The following NAV2 variants were observed in gnomAD, a reference collection of about 807,000 sequenced individuals.
NAV2 encodes helicase, APC down-regulated 1.
In NAV2, 54 loss-of-function variants were observed where a neutral mutation model predicts 223.2. That is an observed-to-expected ratio of 0.24 (90% CI 0.19 to 0.30). The LOEUF (loss-of-function observed/expected upper bound fraction) is 0.30. Among genes scored for constraint, NAV2 ranks in the 10% least tolerant of loss-of-function variants. The pLI, the probability that NAV2 is intolerant of heterozygous loss-of-function variation, is 1.00. For missense variants in NAV2, 2,806 were observed against 3,147.5 expected (o/e 0.89, Z 2.60); for synonymous variants, 1,279 against 1,239.3 (o/e 1.03, Z -0.67).
At chr11:20,034,649 T>C (rs914871079) in intron 11 of NAV2, among the ~76,000 whole-genome samples, 1 of 152,214 alleles carries the variant, frequency 6.6e-6, no homozygotes, top group Non-Finnish European at 1.5e-5. Flanking sequence ...CCCAAAGTGC[T>C]GGGATTACAG....
intron 1 of NAV2, among the ~76,000 whole-genome samples, chr11:19,589,613 G>A (rs1340221625): frequency 1.3e-5 from 2 of 152,186 alleles, no homozygotes; most frequent in Non-Finnish European, 2.9e-5. Flanking sequence ...AGGTGAGCCT[G>A]GATAGACAGC....
At chr11:20,031,734 TTGTG>T (rs5790104) in intron 11 of NAV2, among the ~76,000 whole-genome samples, 18,903 of 149,100 alleles carry the variant, frequency 0.13, 1,239 homozygotes, top group East Asian at 0.16. Flanking sequence ...CATTTTCGCT[TTGTG>T]TGTGTGTGTG....
At chr11:20,050,591 A>G (rs965905291) in intron 16 of NAV2, among the ~76,000 whole-genome samples, 1 of 151,002 alleles carries the variant, frequency 6.6e-6, no homozygotes, top group Admixed American at 6.6e-5. Flanking sequence ...AAAAAAAAAA[A>G]CCTTCACCCC....
chr11:19,616,891 AAGAT>A (rs2046812626), intron 1 of NAV2, among the ~76,000 whole-genome samples: 1 of 152,110 alleles, frequency 6.6e-6, no homozygotes, highest in African/African-American at 2.4e-5. Flanking sequence ...AGGCAGACCT[AAGAT>A]AGAATTCTGC....
At chr11:19,583,269 G>T (rs1381587117) in intron 1 of NAV2, among the ~76,000 whole-genome samples, 4 of 152,202 alleles carry the variant, frequency 2.6e-5, no homozygotes, top group African/African-American at 4.8e-5. Flanking sequence ...AGCTTAAGGA[G>T]ATTTTGGGCT....
intron 1 of NAV2, among the ~76,000 whole-genome samples, chr11:19,502,446 C>G (rs2042988726): frequency 6.6e-6 from 1 of 152,142 alleles, no homozygotes; most frequent in Non-Finnish European, 1.5e-5. Flanking sequence ...AAATTAAAGG[C>G]AGGTACGCTT....
At chr11:19,788,918 C>G (rs570629553) in intron 1 of NAV2, among the ~76,000 whole-genome samples, 12 of 152,276 alleles carry the variant, frequency 7.9e-5, no homozygotes, top group African/African-American at 2.9e-4. Flanking sequence ...AAATCTGAGT[C>G]CCTCATTTTA....
chr11:19,988,013 C>T (rs12099330), intron 11 of NAV2, among the ~76,000 whole-genome samples: 25,923 of 152,180 alleles, frequency 0.17, 2,902 homozygotes, highest in African/African-American at 0.33. Flanking sequence ...AGTCAAATGG[C>T]TCATTGAACT....
intron 19 of NAV2, among the ~76,000 whole-genome samples, chr11:20,057,256 T>G (rs1239436959): frequency 3.3e-5 from 5 of 152,376 alleles, no homozygotes; most frequent in South Asian, 4.1e-4. Context: ...CACAGGATTC[T>G]GCTTTTGCCT....
intron 1 of NAV2, among the ~76,000 whole-genome samples, chr11:19,622,502 A>G (rs866503178): frequency 7.9e-5 from 12 of 152,258 alleles, no homozygotes; most frequent in Middle Eastern, 3.4e-3. Context: ...TCCCTTTACC[A>G]TTATGTAATG....
chr11:19,554,534 A>G (rs2044802854), intron 1 of NAV2, among the ~76,000 whole-genome samples: 1 of 152,140 alleles, frequency 6.6e-6, no homozygotes, highest in Admixed American at 6.5e-5. Context: ...GAATGGAAAC[A>G]CTGCTGGTCT....
chr11:19,933,612 C>CA lies in NAV2; in HGVS notation c.1369dup (p.Ser457LysfsTer16). 2 of 1,614,068 alleles carry CA rather than the reference C, an allele frequency of 1.2e-6. No individual in the cohort carries two copies. Among genetic ancestry groups the CA allele is most frequent in the Non-Finnish European group, 1.7e-6 (2 of 1,179,922 alleles). On this transcript the variant is annotated frameshift_variant, in exon 7 of 38. Transcript: ENST00000349880. LOFTEE classifies it high-confidence loss of function. The surrounding 1 kb of genome is among the most constrained non-coding windows in gnomAD (Gnocchi z 4.3). The stretch of plus-strand genomic sequence containing the variant: ...TGCTCACCACCGTGGGCCCTGCTTC[C>CA]AGCAGCCCCAAGATTGCACTCAAGG...
Position 19,529,360 on chromosome 11 carries a change from T to G in NAV2, c.75+178333T>G, listed in dbSNP as rs114691893. Among the ~76,000 whole-genome samples the G allele has an allele frequency of 5.2e-3, 789 of 152,304 alleles. 8 individuals carry two copies. The highest frequency in any genetic ancestry group is 0.017 in the African/African-American group (695 of 41,566). On this transcript the variant is annotated intron_variant, in intron 1 of 37. Transcript: ENST00000360655. ...GTCTAGTTCTTGCTGGGCAGTAGAT[T>G]TAGTGCTGGGGGTACAGCTGCTCCC...
intron 2 of NAV2, among the ~76,000 whole-genome samples, chr11:19,833,302 G>GGTTACTTGCAACCTT (rs2060052213): frequency 6.6e-6 from 1 of 152,202 alleles, no homozygotes; most frequent in Non-Finnish European, 1.5e-5. Flanking sequence ...CCTTGGCCAA[G>GGTTACTTGCAACCTT]GGAGAAGGTG....
intron 5 of NAV2, among the ~76,000 whole-genome samples, chr11:19,882,744 A>G (rs915698766): frequency 8.5e-5 from 13 of 152,194 alleles, no homozygotes; most frequent in African/African-American, 2.7e-4. Flanking sequence ...AGGTTTTTAC[A>G]TTCATTTATT....
chr11:19,964,492 C>CTT (rs1555171616), intron 10 of NAV2, among the ~76,000 whole-genome samples: 3 of 146,602 alleles, frequency 2.0e-5, no homozygotes, highest in Admixed American at 6.8e-5. Context: ...TTTTCATCCT[C>CTT]TTTTTTTTTT....
intron 1 of NAV2, among the ~76,000 whole-genome samples, chr11:19,817,812 C>G (rs1174599038): frequency 6.6e-6 from 1 of 152,196 alleles, no homozygotes; most frequent in African/African-American, 2.4e-5. Flanking sequence ...CTCACTTGCT[C>G]CTGTCCCTTC....
At chr11:19,470,189 C>T (rs1462139477) in intron 1 of NAV2, among the ~76,000 whole-genome samples, 1 of 152,202 alleles carries the variant, frequency 6.6e-6, no homozygotes, top group East Asian at 1.9e-4. Context: ...CCTAGACAGA[C>T]TCCAGATGAT....
chr11:19,597,497 G>A lies in NAV2; in HGVS notation c.76-234987G>A, dbSNP rs139064827. Among the ~76,000 whole-genome samples the A allele has an allele frequency of 3.0e-3, 459 of 152,230 alleles. 5 individuals are homozygous for A. In the South Asian group the frequency reaches 0.037, roughly 12 times the overall value. ...CCAATATGACTAATATCTCTTGGAG[G>A]GCTATGAAGAAGCCATTTATTTCCT... On this transcript the variant is annotated intron_variant, in intron 1 of 37. Transcript: ENST00000360655.
Sources: allele counts gnomAD v4.1 joint callset (sites outside exome capture counted in the v4.1 genomes callset), GRCh38; gene constraint gnomAD v4.1.1; non-coding constraint Gnocchi (gnomAD v3.1); transcripts MANE v1.5; gene names NCBI Gene and HGNC (gene_info 2026-07-23, HGNC 2026-07-21).